The following GRK3 variants were observed in gnomAD, a reference collection of about 807,000 sequenced individuals.
GRK3 encodes adrenergic, beta, receptor kinase 2.
Under a neutral mutation model 95.7 loss-of-function variants are expected in GRK3, and 54 were observed. The ratio of observed to expected loss-of-function variants is 0.56; its 90% CI spans 0.45 to 0.71. The LOEUF (loss-of-function observed/expected upper bound fraction) is 0.71. Ranked by LOEUF, GRK3 falls within the 30% of genes least tolerant of loss-of-function variation. The pLI is 0.00. For synonymous variants in GRK3, 281 were observed against 290.8 expected (o/e 0.97, Z 0.34); for missense variants, 649 against 851.2 (o/e 0.76, Z 2.96).
intron 12 of GRK3, among the ~76,000 whole-genome samples, chr22:25,691,514 T>G (rs1384077230): frequency 6.6e-6 from 1 of 152,278 alleles, no homozygotes; most frequent in Non-Finnish European, 1.5e-5. Flanking sequence ...TTCTACAGAA[T>G]CTGGGATATG....
chr22:25,585,916 A>T (rs182749163), intron 1 of GRK3, among the ~76,000 whole-genome samples: 271 of 151,748 alleles, frequency 1.8e-3, no homozygotes, highest in African/African-American at 6.4e-3. Flanking sequence ...ATCTTGCTAT[A>T]TACACTCTTA....
At chr22:25,697,078 G>A (rs971173306) in intron 13 of GRK3, among the ~76,000 whole-genome samples, 5 of 152,174 alleles carry the variant, frequency 3.3e-5, no homozygotes, top group African/African-American at 1.2e-4. Flanking sequence ...CCTACCTACA[G>A]AATTTGGAGA....
At position 25,725,795 on chromosome 22, in the gene GRK3, A is replaced by G. The variant is rs1184707407; in HGVS notation, c.*3345A>G. 1 of 385,104 alleles carries G rather than the reference A, an allele frequency of 2.6e-6. No individual in the cohort carries two copies. Among genetic ancestry groups the G allele is most frequent in the Non-Finnish European group, 4.6e-6 (1 of 218,190 alleles). 23.9% of individuals were successfully genotyped at this position (385,104 alleles called of 1,614,324 possible). A position where few individuals can be genotyped will look rare whatever the true frequency, so the allele number is the denominator to read the frequency against. ...CCCCGTCTCTACTAAAAATACAAAT[A>G]AAAATTAGCCGGGCGTGGTGGCGGG... is the stretch of plus-strand genomic sequence containing the variant. On this transcript the variant is annotated 3_prime_UTR_variant, in exon 21 of 21. Coordinates refer to ENST00000324198, the MANE Select transcript of GRK3 (RefSeq NM_005160.4).
At chr22:25,668,022 C>T (rs1270331509) in intron 6 of GRK3, among the ~76,000 whole-genome samples, 1 of 152,174 alleles carries the variant, frequency 6.6e-6, no homozygotes, top group Non-Finnish European at 1.5e-5. Context: ...AATTTCTCAG[C>T]TTCAATAGAG....
intron 2 of GRK3, among the ~76,000 whole-genome samples, chr22:25,611,895 C>T (rs1297148943): frequency 1.4e-5 from 2 of 142,180 alleles, no homozygotes; most frequent in African/African-American, 5.3e-5. Flanking sequence ...TACAGTGGTG[C>T]AATCTGGGCT....
chr22:25,688,045 G>C (rs1021473494), intron 11 of GRK3, among the ~76,000 whole-genome samples: 1 of 152,094 alleles, frequency 6.6e-6, no homozygotes, highest in Non-Finnish European at 1.5e-5. Context: ...GGCCATCCTG[G>C]CTAACACAGT....
At chr22:25,567,436 C>G (rs1931530204) in intron 1 of GRK3, among the ~76,000 whole-genome samples, 1 of 152,122 alleles carries the variant, frequency 6.6e-6, no homozygotes, top group Admixed American at 6.6e-5. Flanking sequence ...AGTGGCCTAC[C>G]TATTTGATTT....
chr22:25,704,079 T>C, intron 14 of GRK3, 30 bp from the exon 15 acceptor site: 1 of 1,557,024 alleles, frequency 6.4e-7, no homozygotes, highest in Non-Finnish European at 8.8e-7. Flanking sequence ...CATGAACGGA[T>C]TTTTGAAATC....
chr22:25,611,520 A>G (rs1366307286), intron 2 of GRK3, among the ~76,000 whole-genome samples: 2 of 152,156 alleles, frequency 1.3e-5, no homozygotes, highest in Non-Finnish European at 2.9e-5. Flanking sequence ...ATTTGAATGG[A>G]TAGGAAGTGG....
intron 2 of GRK3, among the ~76,000 whole-genome samples, chr22:25,624,275 G>A (rs1379124194): frequency 6.6e-6 from 1 of 152,054 alleles, no homozygotes; most frequent in Non-Finnish European, 1.5e-5. Context: ...TTAAAACCCT[G>A]ATTTCTGGCC....
intron 17 of GRK3, among the ~76,000 whole-genome samples, chr22:25,712,834 A>G (rs2085354820): frequency 6.6e-6 from 1 of 152,252 alleles, no homozygotes; most frequent in South Asian, 2.1e-4. Context: ...GAGAAAGAGC[A>G]CACTTAGAAC....
chr22:25,683,479 C>T lies in GRK3; in HGVS notation c.748-1691C>T, dbSNP rs371797099. 1.1e-4 allele frequency among the ~76,000 whole-genome samples: 16 copies of T among 152,350 alleles called. No individual in the cohort carries two copies. The East Asian group carries it at 1.9e-3, about 18-fold the overall frequency. On this transcript the variant is annotated intron_variant, in intron 9 of 20. Coordinates refer to ENST00000324198, the MANE Select transcript of GRK3 (RefSeq NM_005160.4). ...GGGTTGCTAAAGTGGCTGCACCATTCGTTGTACACTTCCAGTGGCCATATA... is the reference window on the plus strand; with the variant it reads ...GGGTTGCTAAAGTGGCTGCACCATTTGTTGTACACTTCCAGTGGCCATATA...
intron 18 of GRK3, among the ~76,000 whole-genome samples, chr22:25,715,428 T>C (rs1431013245): frequency 6.6e-6 from 1 of 152,114 alleles, no homozygotes; most frequent in African/African-American, 2.4e-5. Context: ...GGAAGATCAC[T>C]TGAGACCAGG....
Position 25,648,803 on chromosome 22 carries a change from T to G in GRK3, c.264+4138T>G, listed in dbSNP as rs932416546. 4.1e-5 allele frequency: 49 copies of G among 1,191,094 alleles called. No homozygotes were observed. In the African/African-American group the frequency reaches 7.3e-4, roughly 18 times the overall value. 73.8% of individuals were successfully genotyped at this position (1,191,094 alleles called of 1,614,324 possible). A position where few individuals can be genotyped will look rare whatever the true frequency, so the allele number is the denominator to read the frequency against. On this transcript the variant is annotated intron_variant, in intron 3 of 20. Transcript: ENST00000324198. ...ATATTCACCGAGATCTCTGGGCTGC[T>G]AATATTCTTGTAGGAGAAAATCTTC...
At chr22:25,682,227 T>A (rs1419272847) in intron 9 of GRK3, among the ~76,000 whole-genome samples, 1 of 152,168 alleles carries the variant, frequency 6.6e-6, no homozygotes, top group African/African-American at 2.4e-5. Flanking sequence ...CCGGATGTTT[T>A]AAAGGGACAG....
rs953497897 is a variant in GRK3, at chr22:25,722,788, T to C, written c.*338T>C. The C allele has an allele frequency of 4.9e-6, 1 of 203,072 alleles. No homozygotes were observed. The highest frequency in any genetic ancestry group is 2.3e-5 in the African/African-American group (1 of 43,632). The allele number at this position is 203,072 out of a possible 1,614,324, so 12.6% of individuals were successfully genotyped here. Reference sequence around the variant, plus strand: ...GAATGGAATTTAAAGATGTTCAGTGTTGGGTAACAGATTGCCCTAAGCATT... The same window carrying C: ...GAATGGAATTTAAAGATGTTCAGTGCTGGGTAACAGATTGCCCTAAGCATT... On this transcript the variant is annotated 3_prime_UTR_variant, in exon 21 of 21. Transcript: ENST00000324198.
chr22:25,724,524 T>C lies in GRK3; in HGVS notation c.*2074T>C, dbSNP rs187178514. 2.0e-5 allele frequency: 3 copies of C among 152,240 alleles called. No homozygotes were observed. The highest frequency in any genetic ancestry group is 4.4e-5 in the Non-Finnish European group (3 of 68,042). The allele number at this position is 152,240 out of a possible 1,614,324, so 9.4% of individuals were successfully genotyped here. On this transcript the variant is annotated 3_prime_UTR_variant, in exon 21 of 21. Coordinates refer to ENST00000324198, the MANE Select transcript of GRK3 (RefSeq NM_005160.4). Reference sequence around the variant, plus strand: ...GCTCCACTCCCTTTTAGAAAAGATATATGAATTGGAAAATGCTCTGAAAGT... The same window carrying C: ...GCTCCACTCCCTTTTAGAAAAGATACATGAATTGGAAAATGCTCTGAAAGT...
intron 11 of GRK3, 40 bp downstream of exon 11, chr22:25,687,707 T>A: frequency 6.2e-7 from 1 of 1,609,938 alleles, no homozygotes; most frequent in Non-Finnish European, 8.5e-7. Flanking sequence ...TAGTAGGTAT[T>A]GTGTGAATGG....
intron 15 of GRK3, among the ~76,000 whole-genome samples, chr22:25,707,478 G>A (rs1296415676): frequency 2.0e-5 from 3 of 152,178 alleles, no homozygotes; most frequent in Admixed American, 6.5e-5. Flanking sequence ...GGTAGGCATG[G>A]CCCCTGCCTT....
Sources: gnomAD v4.1 joint callset for allele counts (sites outside exome capture counted in the v4.1 genomes callset) on GRCh38, gnomAD v4.1.1 for gene constraint, MANE v1.5 for transcripts, NCBI Gene and HGNC (gene_info 2026-07-23, HGNC 2026-07-21) for gene names.